The following VCL variants were observed in gnomAD, a reference collection of about 807,000 sequenced individuals.
The protein encoded by VCL is vinculin.
VCL carries 47 observed loss-of-function variants against 125.7 expected under a neutral mutation model. The ratio of observed to expected loss-of-function variants is 0.37; its 90% CI spans 0.30 to 0.48. The LOEUF is 0.48. Ranked by LOEUF, VCL falls within the 20% of genes least tolerant of loss-of-function variation. The pLI, the probability that VCL is intolerant of heterozygous loss-of-function variation, is 0.99. For missense variants in VCL, 1,069 were observed against 1,455.5 expected (o/e 0.73, Z 4.32); for synonymous variants, 458 against 514.6 (o/e 0.89, Z 1.49).
At chr10:74,057,873 T>C (rs564886410) in intron 2 of VCL, among the ~76,000 whole-genome samples, 1 of 152,294 alleles carries the variant, frequency 6.6e-6, no homozygotes, top group Admixed American at 6.5e-5. Flanking sequence ...GTCAAGGCTG[T>C]GGTGAGCCGT....
At chr10:73,998,505 G>C (rs1840160318) in intron 1 of VCL, 130 bp downstream of exon 1, 1 of 933,502 alleles carries the variant, frequency 1.1e-6, no homozygotes, top group African/African-American at 1.8e-5. Context: ...CAGGCGCCGA[G>C]GGTTCGAATG....
intron 8 of VCL, among the ~76,000 whole-genome samples, chr10:74,084,977 A>G (rs577013760): frequency 2.6e-4 from 40 of 152,164 alleles, no homozygotes; most frequent in Non-Finnish European, 5.1e-4. Context: ...TGGTATGATC[A>G]TAGTTCACTG....
At chr10:74,054,642 T>C (rs976788103) in intron 2 of VCL, among the ~76,000 whole-genome samples, 3 of 152,184 alleles carry the variant, frequency 2.0e-5, no homozygotes, top group Admixed American at 1.3e-4. Flanking sequence ...AATTTTAGGC[T>C]GGGCGTGGTG....
intron 2 of VCL, among the ~76,000 whole-genome samples, chr10:74,053,524 C>A (rs1230732175): frequency 2.0e-5 from 3 of 151,930 alleles, no homozygotes; most frequent in Admixed American, 6.6e-5. Flanking sequence ...TCATTAAATT[C>A]TTTTCTCATA....
chr10:74,107,551 G>C (rs1333074107), intron 17 of VCL, among the ~76,000 whole-genome samples, 197 bp downstream of exon 17: 1 of 151,448 alleles, frequency 6.6e-6, no homozygotes, highest in East Asian at 1.9e-4. Context: ...TGCATGGGTT[G>C]TGTGTGTGTG....
chr10:74,013,028 G>A (rs1840464760), intron 1 of VCL, among the ~76,000 whole-genome samples: 1 of 152,002 alleles, frequency 6.6e-6, no homozygotes, highest in African/African-American at 2.4e-5. Flanking sequence ...GAGCCTCAGG[G>A]GCAAATATTG....
In VCL at chr10:74,043,257, T is replaced by G. The variant is rs1039630568; in HGVS notation, c.239+104T>G. ...CAACTTTTTTTTGGTATAAAACTTT[T>G]GTTTACAATTGAAATTTCAACTTTT... On this transcript the variant is annotated intron_variant, in intron 2 of 21. Transcript: ENST00000211998. 6 of 1,043,526 alleles carry G rather than the reference T, an allele frequency of 5.7e-6. No individual in the cohort carries two copies. The African/African-American group carries it at 9.6e-5, about 17-fold the overall frequency. 64.6% of individuals were successfully genotyped at this position (1,043,526 alleles called of 1,614,324 possible).
Position 74,074,833 on chromosome 10 carries a change from G to A in VCL, c.713G>A (p.Ser238Asn). ...KNRNFTVEKM[S>N]AEINEIIRVL... ...CGCAATTTTACTGTAGAAAAAATGA[G>A]TGCTGAAATTAATGAGATAATTCGT... is the stretch of plus-strand genomic sequence containing the variant. The change falls in exon 6 of 22, where the codon AGT becomes AAT. Residue 238 changes from serine to asparagine, a missense_variant. Physicochemically the swap from Ser to Asn is conservative, Grantham distance 46. Transcript: ENST00000211998. 1.9e-6 allele frequency: 3 copies of A among 1,614,164 alleles called. No homozygotes were observed. The highest frequency in any genetic ancestry group is 1.6e-4 in the Middle Eastern group (1 of 6,062).
At position 74,100,766 on chromosome 10, in the gene VCL, G is replaced by A. The variant is rs188611279; in HGVS notation, c.1873-182G>A. Among the ~76,000 whole-genome samples, 8 of 152,242 alleles carry A rather than the reference G, an allele frequency of 5.3e-5. No individual in the cohort carries two copies. The East Asian group carries it at 5.8e-4, about 11-fold the overall frequency. On this transcript the variant is annotated intron_variant, in intron 13 of 21. Coordinates refer to ENST00000211998, the MANE Select transcript of VCL (RefSeq NM_014000.3). The stretch of plus-strand genomic sequence containing the variant: ...TTGCACATGATGGTGATGGCTAAAC[G>A]TCTGAGGAGATCCATCAAGGCCAGG...
chr10:74,040,278 C>T (rs1841069864), intron 1 of VCL, among the ~76,000 whole-genome samples: 1 of 152,168 alleles, frequency 6.6e-6, no homozygotes, highest in Non-Finnish European at 1.5e-5. Context: ...TTATTCTCTA[C>T]TCCATCTCTA....
chr10:74,078,559 C>T (rs946998918), intron 6 of VCL, among the ~76,000 whole-genome samples: 1 of 152,152 alleles, frequency 6.6e-6, no homozygotes, highest in Non-Finnish European at 1.5e-5. Flanking sequence ...TCTCCCTGCT[C>T]CCCATGAGGA....
chr10:74,009,393 G>C (rs1840384541), intron 1 of VCL, among the ~76,000 whole-genome samples: 1 of 151,642 alleles, frequency 6.6e-6, no homozygotes, highest in Admixed American at 6.6e-5. Flanking sequence ...CGAGTAGCTG[G>C]GACTACAGGC....
intron 1 of VCL, among the ~76,000 whole-genome samples, chr10:74,004,624 G>A (rs1425241929): frequency 1.3e-5 from 2 of 152,174 alleles, no homozygotes; most frequent in Non-Finnish European, 2.9e-5. Flanking sequence ...AGCATAGCCT[G>A]CATGAATGGC....
intron 7 of VCL, 138 bp from the exon 8 acceptor site, chr10:74,083,228 C>G (rs1388378699): frequency 8.9e-7 from 1 of 1,128,892 alleles, no homozygotes; most frequent in Non-Finnish European, 1.3e-6. Context: ...TGGCTGTTAG[C>G]TATCAGATAT....
rs1018461978 is a variant in VCL, at chr10:74,118,985, C to T, written c.*816C>T. The T allele has an allele frequency of 2.6e-5, 4 of 152,822 alleles. No individual in the cohort carries two copies. Among genetic ancestry groups the T allele is most frequent in the Non-Finnish European group, 5.9e-5 (4 of 68,218 alleles). 9.5% of individuals were successfully genotyped at this position (152,822 alleles called of 1,614,324 possible). ...CTGGTGCTCTCTGCCACTGGAAGGG[C>T]AGAGTAGCCAGGGTGTGGCCCTGCC... On this transcript the variant is annotated 3_prime_UTR_variant, in exon 22 of 22. Coordinates refer to ENST00000211998, the MANE Select transcript of VCL (RefSeq NM_014000.3).
At position 73,998,119 on chromosome 10, in the gene VCL, C is replaced by T; in HGVS notation, c.-89C>T. On this transcript the variant is annotated 5_prime_UTR_variant, in exon 1 of 22. Transcript: ENST00000211998. ...CCGAGGGAAGCCCCGACTCCGTAGTCGCTGCACAGTCTGTCTCTTCGCCGG... is the reference window on the plus strand; with the variant it reads ...CCGAGGGAAGCCCCGACTCCGTAGTTGCTGCACAGTCTGTCTCTTCGCCGG... The T allele has an allele frequency of 1.3e-6, 2 of 1,551,138 alleles. No homozygotes were observed. Among genetic ancestry groups the T allele is most frequent in the Non-Finnish European group, 1.7e-6 (2 of 1,149,270 alleles).
At chr10:74,034,187 AC>A (rs1840931772) in intron 1 of VCL, among the ~76,000 whole-genome samples, 1 of 152,190 alleles carries the variant, frequency 6.6e-6, no homozygotes, top group Non-Finnish European at 1.5e-5. Context: ...TGCAGACCTA[AC>A]AATGTCTTTT....
At chr10:74,096,690 A>G (rs1299974657) in intron 12 of VCL, among the ~76,000 whole-genome samples, 1 of 152,234 alleles carries the variant, frequency 6.6e-6, no homozygotes, top group African/African-American at 2.4e-5. Flanking sequence ...GATATTTGTT[A>G]TTGAGTTTTT....
rs552390476 is a variant in VCL, at chr10:74,089,964, T to A, written c.1177-59T>A. ...ATCCTTCTTCTGGCCTTGTTAAGTT[T>A]AGTAGAAAGGAGTGTGTGAGTAGAT... On this transcript the variant is annotated intron_variant, in intron 9 of 21. Transcript: ENST00000211998. 393 of 1,598,608 alleles carry A rather than the reference T, an allele frequency of 2.5e-4. 2 individuals carry two copies. In the East Asian group the frequency reaches 4.2e-3, roughly 17 times the overall value.
Sources: gnomAD v4.1 joint callset for allele counts (sites outside exome capture counted in the v4.1 genomes callset) on GRCh38, gnomAD v4.1.1 for gene constraint, MANE v1.5 for transcripts, NCBI Gene and HGNC (gene_info 2026-07-23, HGNC 2026-07-21) for gene names.